CCL24: variants seen among roughly 807,000 people sequenced by gnomAD.
The protein encoded by CCL24 is C-C motif chemokine 24.
A neutral mutation model predicts 8.6 loss-of-function variants in CCL24; 6 were observed. The observed-to-expected ratio is 0.70, with a 90% CI of 0.38 to 1.38. The LOEUF is 1.38. Among genes scored for constraint, CCL24 ranks in the 40% most tolerant of loss-of-function variants. The pLI is 0.02. For synonymous variants in CCL24, 59 were observed against 52.7 expected (o/e 1.12, Z -0.52); for missense variants, 126 against 147.1 (o/e 0.86, Z 0.74).
intron 1 of CCL24, among the ~76,000 whole-genome samples, chr7:75,822,777 C>T (rs563011035): frequency 1.4e-3 from 216 of 152,118 alleles, no homozygotes; most frequent in African/African-American, 4.8e-3. Context: ...TGCAGTGAGC[C>T]GAGATTGTGC....
chr7:75,818,168 T>C (rs142023964), upstream of CCL24, among the ~76,000 whole-genome samples: 3 of 152,202 alleles, frequency 2.0e-5, no homozygotes, highest in African/African-American at 4.8e-5. Flanking sequence ...AGGGAAATTG[T>C]TAAGGCAGGG....
At chr7:75,823,059 C>T (rs1554535296) in intron 1 of CCL24, among the ~76,000 whole-genome samples, 1 of 152,150 alleles carries the variant, frequency 6.6e-6, no homozygotes, top group African/African-American at 2.4e-5. Context: ...CTCACGGCCA[C>T]CAGCTTTGCA....
chr7:75,815,179 A>T (rs1360269272), upstream of CCL24, among the ~76,000 whole-genome samples: 3 of 151,888 alleles, frequency 2.0e-5, no homozygotes, highest in African/African-American at 7.3e-5. Context: ...TCTCCAAAAG[A>T]AATAGAAAAA....
Position 75,811,029 on chromosome 7 carries a change from C to T in CCL24, c.*767G>A, listed in dbSNP as rs1291111953. Among the ~76,000 whole-genome samples, 1 of 151,822 alleles carries T rather than the reference C, an allele frequency of 6.6e-6. No individual in the cohort carries two copies. Among genetic ancestry groups the T allele is most frequent in the Non-Finnish European group, 1.5e-5 (1 of 67,950 alleles). ...TGAAGGCAGTACAGGCCCTTGTCCC[C>T]AAGACAGCATGGAGCAACCTGTCAC... On this transcript the variant is annotated 3_prime_UTR_variant, in exon 3 of 3. Coordinates refer to ENST00000222902, the MANE Select transcript of CCL24 (RefSeq NM_002991.3).
upstream of CCL24, among the ~76,000 whole-genome samples, chr7:75,816,876 A>G: frequency 7.1e-6 from 1 of 140,266 alleles, no homozygotes; most frequent in Non-Finnish European, 1.6e-5. Context: ...AAAAAAAAAA[A>G]AAATTTGAGA....
chr7:75,816,004 G>T (rs1447548129), upstream of CCL24, among the ~76,000 whole-genome samples: 2 of 152,052 alleles, frequency 1.3e-5, no homozygotes, highest in African/African-American at 4.8e-5. Flanking sequence ...GGGATTCCAG[G>T]GCACACACCG....
rs138466706 is a variant in CCL24 at position 75,811,466 on chromosome 7, G to A, written c.*330C>T. Among the ~76,000 whole-genome samples the A allele has an allele frequency of 0.1, 15,500 of 150,676 alleles. 928 individuals are homozygous for A. Among genetic ancestry groups the A allele is most frequent in the Admixed American group, 0.16 (2,357 of 15,120 alleles). On this transcript the variant is annotated 3_prime_UTR_variant, in exon 3 of 3. Coordinates refer to ENST00000222902, the MANE Select transcript of CCL24 (RefSeq NM_002991.3). ...TGCACTCCAGCCTGGGTGACAGAGC[G>A]AGACTCCGTCTCAGAAAAAAAAAAA... is the stretch of plus-strand genomic sequence containing the variant.
At chr7:75,817,099 C>A (rs1803909380), upstream of CCL24, among the ~76,000 whole-genome samples, 1 of 152,126 alleles carries the variant, frequency 6.6e-6, no homozygotes, top group African/African-American at 2.4e-5. Context: ...CTCCTGGCTT[C>A]AAGCAATCCT....
At chr7:75,819,720 C>T (rs73144163) in intron 1 of CCL24, among the ~76,000 whole-genome samples, 13,970 of 151,552 alleles carry the variant, frequency 0.092, 759 homozygotes, top group East Asian at 0.18. Context: ...AAGTAGACCA[C>T]ACACACACAC....
upstream of CCL24, among the ~76,000 whole-genome samples, chr7:75,817,792 C>T (rs532046640): frequency 1.3e-5 from 2 of 151,566 alleles, no homozygotes; most frequent in African/African-American, 2.4e-5. Context: ...CATGAGCCAC[C>T]GCACTGGGCC....
At chr7:75,818,296 A>C (rs1249581839), upstream of CCL24, among the ~76,000 whole-genome samples, 1 of 151,850 alleles carries the variant, frequency 6.6e-6, no homozygotes, top group African/African-American at 2.4e-5. Flanking sequence ...CAAATACAAA[A>C]ATTAGCTGGG....
chr7:75,813,499 A>G, intron 1 of CCL24, 76 bp from the exon 2 acceptor site: 1 of 1,292,398 alleles, frequency 7.7e-7, no homozygotes, highest in Non-Finnish European at 1.1e-6. Context: ...CTGGAGCTTG[A>G]ACCCTGCACC....
chr7:75,813,346 G>C lies in CCL24; in HGVS notation c.151C>G (p.Gln51Glu), dbSNP rs1803815699. ...AGGCATGTGCTCCTGCTGGACAGCTGGTAGCTGACCACTCGGTTCTCAGGA... is the reference window on the plus strand; with the variant it reads ...AGGCATGTGCTCCTGCTGGACAGCTCGTAGCTGACCACTCGGTTCTCAGGA... ...RIPENRVVSY[Q>E]LSSRSTCLKA... The change falls in exon 2 of 3, where the codon CAG (glutamine) becomes GAG (glutamate). Residue 51 changes from glutamine to glutamate, a missense_variant. Transcript: ENST00000222902. 6.2e-7 allele frequency: 1 copy of C among 1,612,766 alleles called. No homozygotes were observed. The highest frequency in any genetic ancestry group is 1.1e-5 in the South Asian group (1 of 91,034).
chr7:75,811,230 G>A lies in CCL24; in HGVS notation c.*566C>T, dbSNP rs58410733. On this transcript the variant is annotated 3_prime_UTR_variant, in exon 3 of 3. Transcript: ENST00000222902. Reference sequence around the variant, plus strand: ...GTGGTGGCTCATGCCTGTAATCCCAGCACTTTGGGAGGCCGAGGCAGGTAG... The same window carrying A: ...GTGGTGGCTCATGCCTGTAATCCCAACACTTTGGGAGGCCGAGGCAGGTAG... 0.046 allele frequency among the ~76,000 whole-genome samples: 7,004 copies of A among 151,540 alleles called. 214 individuals are homozygous for A. The highest frequency in any genetic ancestry group is 0.11 in the South Asian group (544 of 4,804).
chr7:75,813,563 C>A (rs1803822479), intron 1 of CCL24, 80 bp downstream of exon 1: 2 of 1,375,044 alleles, frequency 1.5e-6, no homozygotes, highest in Non-Finnish European at 2.1e-6. Flanking sequence ...TTCCCTCCAG[C>A]CCCAGGCTGG....
chr7:75,812,050 C>T, intron 2 of CCL24, 86 bp from the exon 3 acceptor site: 1 of 1,136,464 alleles, frequency 8.8e-7, no homozygotes, highest in Non-Finnish European at 1.3e-6. Flanking sequence ...TGTGGACGCC[C>T]AGAGACAGTA....
Position 75,813,708 on chromosome 7 carries a change from C to G in CCL24, c.8G>C (p.Gly3Ala), listed in dbSNP as rs529320164. MAGLMTIVTSLLF... is the reference protein window; with the variant it reads MAALMTIVTSLLF... ...AAGGCTGGTTACTATGGTCATCAGG[C>G]CTGCCATGTCTCAGAGAGCAGAAGC... is the stretch of plus-strand genomic sequence containing the variant. Residue 3 changes from glycine (G) to alanine (A), a missense_variant, in exon 1 of 3, where the codon GGC becomes GCC. By Grantham distance (60) the Gly-to-Ala change is moderately conservative. Coordinates refer to ENST00000222902, the MANE Select transcript of CCL24 (RefSeq NM_002991.3). 5.3e-5 allele frequency: 85 copies of G among 1,613,864 alleles called. 1 individual carries two copies. In the South Asian group the frequency reaches 7.9e-4, roughly 15 times the overall value.
chr7:75,820,135 TCCTCCTCCTCCTC>T (rs1804011517), intron 1 of CCL24, among the ~76,000 whole-genome samples: 8 of 98,434 alleles, frequency 8.1e-5, no homozygotes, highest in South Asian at 3.5e-4. Flanking sequence ...CTTCTTCTCC[TCCTCCTCCTCCTC>T]CTCCTTCTCC....
intron 1 of CCL24, among the ~76,000 whole-genome samples, chr7:75,821,747 A>T (rs1554535109): frequency 2.0e-5 from 3 of 151,846 alleles, no homozygotes; most frequent in East Asian, 1.9e-4. Flanking sequence ...ATCAACATGG[A>T]GAAACCCCGT....
Sources: allele counts gnomAD v4.1 joint callset (sites outside exome capture counted in the v4.1 genomes callset), GRCh38; gene constraint gnomAD v4.1.1; transcripts MANE v1.5; gene names NCBI Gene and HGNC (gene_info 2026-07-23, HGNC 2026-07-21).